CLUH: variants seen among roughly 807,000 people sequenced by gnomAD.
CLUH encodes clustered mitochondria protein homolog.
A neutral mutation model predicts 139.3 loss-of-function variants in CLUH; 77 were observed. The ratio of observed to expected loss-of-function variants is 0.55; its 90% confidence interval spans 0.46 to 0.67. CLUH has a LOEUF of 0.67. CLUH is among the 30% of genes least tolerant of loss of function. The pLI is 0.00. For synonymous variants in CLUH, 999 were observed against 801.6 expected, an observed-to-expected ratio of 1.25 and a Z score of -4.16; for missense variants, 1,876 against 1,875.8, an observed-to-expected ratio of 1.00 and a Z score of 0.00.
chr17:2,709,029 C>T (rs1448381230), intron 1 of CLUH, among the ~76,000 whole-genome samples: 2 of 152,232 alleles, frequency 1.3e-5, no homozygotes. Context: ...CCCAACAGCA[C>T]TCTGCATACA....
chr17:2,701,587 T>TC, intron 5 of CLUH, 26 bp downstream of exon 5: 2 of 1,610,834 alleles, frequency 1.2e-6, no homozygotes, highest in Non-Finnish European at 1.7e-6. Flanking sequence ...CCAGGGACCC[T>TC]CTTCCTCCCT....
intron 15 of CLUH, 26 bp from the exon 16 acceptor site, chr17:2,695,127 A>G: frequency 6.2e-7 from 1 of 1,612,660 alleles, no homozygotes; most frequent in Non-Finnish European, 8.5e-7. Flanking sequence ...GATCCGAGTC[A>G]TGAGGGCCCT....
At chr17:2,709,820 G>C (rs1395429371) in intron 1 of CLUH, among the ~76,000 whole-genome samples, 1 of 152,128 alleles carries the variant, frequency 6.6e-6, no homozygotes, top group East Asian at 1.9e-4. Flanking sequence ...ATAGATCCGG[G>C]CTGGCTGTAA....
chr17:2,692,524 C>G, intron 21 of CLUH, 42 bp from the exon 22 acceptor site: 1 of 1,599,380 alleles, frequency 6.3e-7, no homozygotes, highest in Non-Finnish European at 8.5e-7. Flanking sequence ...CTCCCGGTCC[C>G]CTGGGATGGA....
chr17:2,694,942 T>C lies in CLUH; in HGVS notation c.2767A>G (p.Thr923Ala). The change falls in exon 16 of 26, where the codon ACA becomes GCA. Residue 923 changes from threonine to alanine, a missense_variant. Physicochemically the swap from Thr to Ala is moderately conservative, Grantham distance 58 (BLOSUM62 0). This residue lies in a region of CLUH where 1,454 missense variants were observed against 1,384.4 expected (regional missense o/e 1.05). Coordinates refer to ENST00000651024, the MANE Select transcript of CLUH (RefSeq NM_001366661.1). Reference protein sequence around the residue: ...KNRPPGAADNTAWAVMTPQEL... With the variant: ...KNRPPGAADNAAWAVMTPQEL... ...TGGGGGGTCATGACAGCCCAGGCTGTGTTATCTGCAGCCCCCGGGGGCCGG... is the reference window on the plus strand; with the variant it reads ...TGGGGGGTCATGACAGCCCAGGCTGCGTTATCTGCAGCCCCCGGGGGCCGG... 1 of 1,607,558 alleles carries C rather than the reference T, an allele frequency of 6.2e-7. No homozygotes were observed. Among genetic ancestry groups the C allele is most frequent in the Non-Finnish European group, 8.5e-7 (1 of 1,176,696 alleles).
In CLUH at chr17:2,703,544, A is replaced by G; in HGVS notation, c.304-55T>C. 6.3e-7 allele frequency: 1 copy of G among 1,576,232 alleles called. No homozygotes were observed. The highest frequency in any genetic ancestry group is 8.7e-7 in the Non-Finnish European group (1 of 1,155,190). ...TGAGAGAGCACGTAGCGGGGAGAGA[A>G]GGCCCCAACCGCCCCGGTGAGAGGC... On this transcript the variant is annotated intron_variant, in intron 2 of 25. Transcript: ENST00000651024. This position sits in a 1 kb window ranked among gnomAD's most constrained non-coding sequence, Gnocchi z 4.2.
At chr17:2,691,492 C>T (rs760613699) in intron 25 of CLUH, 117 bp downstream of exon 25, 9 of 1,009,512 alleles carry the variant, frequency 8.9e-6, no homozygotes, top group Non-Finnish European at 1.4e-5. Context: ...ACCCGGGAGG[C>T]GGAGGCTGCA....
rs1597622580 is a variant in CLUH, at chr17:2,703,772, C to T, written c.304-283G>A. Among the ~76,000 whole-genome samples the T allele has an allele frequency of 6.6e-6, 1 of 152,098 alleles. No individual in the cohort carries two copies. The highest frequency in any genetic ancestry group is 6.6e-5 in the Admixed American group (1 of 15,258). On this transcript the variant is annotated intron_variant, in intron 2 of 25. Transcript: ENST00000651024. This position sits in a 1 kb window ranked among gnomAD's most constrained non-coding sequence, Gnocchi z 4.2. ...CGGCCTGCAGACCCAGAGCAATGCCCGAGCAGAGAAGGGAGATGAAGAACA... is the reference window on the plus strand; with the variant it reads ...CGGCCTGCAGACCCAGAGCAATGCCTGAGCAGAGAAGGGAGATGAAGAACA...
chr17:2,698,200 G>A lies in CLUH; in HGVS notation c.1657C>T (p.Pro553Ser), dbSNP rs1248926263. ...IDFGKTVVSH[P>S]RYLELLERTS... is the part of the protein sequence containing the mutation. ...CGCTCCAGCAGCTCCAGGTACCGCG[G>A]GTGTGACACCACGGTCTTGCCGAAG... Residue 553 changes from proline to serine, a missense_variant, in exon 10 of 26, where the codon CCG (proline) becomes TCG (serine). Coordinates refer to ENST00000651024, the MANE Select transcript of CLUH (RefSeq NM_001366661.1). 3 of 1,578,920 alleles carry A rather than the reference G, an allele frequency of 1.9e-6. No homozygotes were observed. Among genetic ancestry groups the A allele is most frequent in the Non-Finnish European group, 2.6e-6 (3 of 1,163,388 alleles).
At position 2,690,438 on chromosome 17, in the gene CLUH, C is replaced by G; in HGVS notation, c.*156G>C. 1.8e-6 allele frequency: 1 copy of G among 567,602 alleles called. No individual in the cohort carries two copies. Among genetic ancestry groups the G allele is most frequent in the Non-Finnish European group, 2.8e-6 (1 of 360,990 alleles). The allele number at this position is 567,602 out of a possible 1,614,324, so 35.2% of individuals were successfully genotyped here. A position where few individuals can be genotyped will look rare whatever the true frequency, so the allele number is the denominator to read the frequency against. On this transcript the variant is annotated 3_prime_UTR_variant, in exon 26 of 26. Transcript: ENST00000651024. ...GCAAAAACACCTTCTGCGGGGCAGG[C>G]AGGCCAGGCTCCCAGGAGGACACGG...
chr17:2,691,148 A>T (rs892554230), intron 25 of CLUH, among the ~76,000 whole-genome samples: 1 of 151,798 alleles, frequency 6.6e-6, no homozygotes, highest in Non-Finnish European at 1.5e-5. Flanking sequence ...CCGCCGCAGG[A>T]TGGGAAGCGT....
intron 13 of CLUH, 116 bp downstream of exon 13, chr17:2,696,043 G>A (rs548726214): frequency 6.1e-5 from 51 of 840,874 alleles, no homozygotes; most frequent in South Asian, 8.3e-5. Context: ...CCCACTCAGG[G>A]AAAGCTGAAA....
At position 2,704,616 on chromosome 17, in the gene CLUH, G is replaced by A. The variant is rs1014526085; in HGVS notation, c.101-52C>T. ...TCAGGCAGCCTCGCTGGTCGGCGGG[G>A]CTGTCCGCCTGACCCCACACGGGGA... is the stretch of plus-strand genomic sequence containing the variant. On this transcript the variant is annotated intron_variant, in intron 1 of 25. Coordinates refer to ENST00000651024, the MANE Select transcript of CLUH (RefSeq NM_001366661.1). The surrounding 1 kb of genome is among the most constrained non-coding windows in gnomAD (Gnocchi z 5.7). The A allele has an allele frequency of 3.7e-5, 55 of 1,478,762 alleles. No individual in the cohort carries two copies. Among genetic ancestry groups the A allele is most frequent in the Non-Finnish European group, 4.4e-5 (49 of 1,104,828 alleles). 91.6% of individuals were successfully genotyped at this position (1,478,762 alleles called of 1,614,324 possible). A position where few individuals can be genotyped will look rare whatever the true frequency, so the allele number is the denominator to read the frequency against.
intron 15 of CLUH, 33 bp from the exon 16 acceptor site, chr17:2,695,134 C>T (rs1567582835): frequency 1.9e-6 from 3 of 1,612,664 alleles, no homozygotes; most frequent in Non-Finnish European, 2.5e-6. Flanking sequence ...GTCATGAGGG[C>T]CCTCAGCCCC....
At chr17:2,698,766 G>A (rs1484085153) in intron 9 of CLUH, among the ~76,000 whole-genome samples, 176 bp from the exon 10 acceptor site, 3 of 152,106 alleles carry the variant, frequency 2.0e-5, no homozygotes, top group Admixed American at 6.6e-5. Flanking sequence ...TGTTTTGGCC[G>A]GGCGCGGTGG....
intron 25 of CLUH, among the ~76,000 whole-genome samples, chr17:2,691,133 C>A (rs983488181): frequency 7.6e-4 from 116 of 151,900 alleles, no homozygotes; most frequent in Non-Finnish European, 1.4e-3. Context: ...CTCCTCAGCC[C>A]CCCCCCGCCG....
Position 2,706,404 on chromosome 17 carries a change from T to C in CLUH, c.101-1840A>G, listed in dbSNP as rs2070351498. Among the ~76,000 whole-genome samples the C allele has an allele frequency of 6.6e-6, 1 of 152,062 alleles. No homozygotes were observed. On this transcript the variant is annotated intron_variant, in intron 1 of 25. Coordinates refer to ENST00000651024, the MANE Select transcript of CLUH (RefSeq NM_001366661.1). The surrounding 1 kb of genome is among the most constrained non-coding windows in gnomAD (Gnocchi z 4.6). ...TGGCCTAAGGTCAACCAAGTCAGAA[T>C]GGGCCCCAGACTCCCTCCTGCAGCC...
chr17:2,701,851 C>T, intron 4 of CLUH, 63 bp downstream of exon 4: 1 of 1,603,250 alleles, frequency 6.2e-7, no homozygotes, highest in Non-Finnish European at 8.5e-7. Flanking sequence ...GCCCCTTCTC[C>T]AGCCCCCCAC....
At chr17:2,700,555 C>G in intron 8 of CLUH, 81 bp from the exon 9 acceptor site, 1 of 1,552,066 alleles carries the variant, frequency 6.4e-7, no homozygotes, top group South Asian at 1.2e-5. Flanking sequence ...TTCTACCTTC[C>G]TGAGAAGAGC....
Sources: gnomAD v4.1 joint callset for allele counts (sites outside exome capture counted in the v4.1 genomes callset) on GRCh38, gnomAD v4.1.1 for gene constraint, gnomAD v4.1.1 regional missense constraint, Gnocchi (gnomAD v3.1) non-coding constraint, MANE v1.5 for transcripts, NCBI Gene and HGNC (gene_info 2026-07-23, HGNC 2026-07-21) for gene names.